Variants in CFTR observed in about 807,000 individuals in gnomAD.
CFTR encodes the protein CF transmembrane conductance regulator, also known as cystic fibrosis transmembrane conductance regulator.
In CFTR, 181 loss-of-function variants were observed where a neutral mutation model predicts 171.6. The ratio of observed to expected loss-of-function variants is 1.05; its 90% CI spans 0.93 to 1.19. CFTR has a LOEUF of 1.19. Ranked by LOEUF, CFTR falls within the 50% of genes most tolerant of loss-of-function variation. The probability of loss-of-function intolerance (pLI) is 0.00; values close to 1 mark genes in which losing one functional copy is unlikely to be tolerated. For missense variants in CFTR, 1,968 were observed against 1,734.7 expected, an observed-to-expected ratio of 1.13 and a Z score of -2.39; for synonymous variants, 583 against 608.0, an observed-to-expected ratio of 0.96 and a Z score of 0.60.
At chr7:117,586,859 GC>G (rs1181070016) in intron 11 of CFTR, among the ~76,000 whole-genome samples, 2 of 151,974 alleles carry the variant, frequency 1.3e-5, no homozygotes, top group Non-Finnish European at 2.9e-5. Flanking sequence ...CGGTTTGAAA[GC>G]CTCTAGGGTA....
chr7:117,538,569 C>T (rs1425893719), intron 7 of CFTR, among the ~76,000 whole-genome samples: 1 of 152,030 alleles, frequency 6.6e-6, no homozygotes, highest in African/African-American at 2.4e-5. Context: ...TTTATAAATA[C>T]CAGCCTAGTC....
chr7:117,602,814 G>A lies in CFTR; in HGVS notation c.2620-12G>A, dbSNP rs760088331. ...TTAGAAAAAAAATCAACTGTGTCTT[G>A]TTCCATTCCAGGTGGCTGCTTCTTT... is the stretch of plus-strand genomic sequence containing the variant. On this transcript the variant is annotated splice_polypyrimidine_tract_variant and intron_variant, in intron 15 of 26. Transcript: ENST00000003084. 3.7e-6 allele frequency: 6 copies of A among 1,613,450 alleles called. No homozygotes were observed. The highest frequency in any genetic ancestry group is 4.2e-6 in the Non-Finnish European group (5 of 1,179,376).
intron 1 of CFTR, among the ~76,000 whole-genome samples, chr7:117,490,915 C>T (rs1271019850): frequency 6.6e-6 from 1 of 152,060 alleles, no homozygotes; most frequent in Non-Finnish European, 1.5e-5. Context: ...GCACATCTGT[C>T]GGCTTTCTTT....
At chr7:117,545,378 G>A (rs1376650749) in intron 9 of CFTR, among the ~76,000 whole-genome samples, 4 of 152,112 alleles carry the variant, frequency 2.6e-5, no homozygotes, top group African/African-American at 4.8e-5. Flanking sequence ...GGCTTTTTAT[G>A]TTCTCCGTGG....
rs1798580467 is a variant in CFTR at position 117,515,289 on chromosome 7, AC to A, written c.273+6148del. 2.0e-5 allele frequency among the ~76,000 whole-genome samples: 3 copies of A among 152,252 alleles called. No homozygotes were observed. The South Asian group carries it at 6.2e-4, about 32-fold the overall frequency. ...TAGGGTTTTTATAGTTTTGGGTTTT[AC>A]ATTTAAGTCTTTAATACATCTTGAG... is the stretch of plus-strand genomic sequence containing the variant. On this transcript the variant is annotated intron_variant, in intron 3 of 26. Transcript: ENST00000003084.
intron 23 of CFTR, among the ~76,000 whole-genome samples, chr7:117,647,944 T>C (rs961126190): frequency 3.3e-5 from 5 of 150,920 alleles, no homozygotes; most frequent in Non-Finnish European, 5.9e-5. Context: ...AAAAGGGACG[T>C]CCAAACCACT....
chr7:117,517,500 G>A (rs777378029), intron 3 of CFTR, among the ~76,000 whole-genome samples: 24 of 152,108 alleles, frequency 1.6e-4, no homozygotes, highest in Admixed American at 1.0e-3. Flanking sequence ...TATTGTGAAC[G>A]CTGCAGCAAT....
At chr7:117,630,626 C>T (rs1043894550) in intron 22 of CFTR, among the ~76,000 whole-genome samples, 1 of 152,146 alleles carries the variant, frequency 6.6e-6, no homozygotes, top group Non-Finnish European at 1.5e-5. Context: ...CTGAAGAGAT[C>T]GGGCTTCTCC....
At chr7:117,589,697 A>G (rs1039199044) in intron 12 of CFTR, among the ~76,000 whole-genome samples, 22 of 152,160 alleles carry the variant, frequency 1.4e-4, no homozygotes, top group African/African-American at 4.8e-4. Context: ...TTTTATGAAT[A>G]TGATATAGAG....
chr7:117,511,253 T>G (rs947319860), intron 3 of CFTR, among the ~76,000 whole-genome samples: 2 of 152,204 alleles, frequency 1.3e-5, no homozygotes, highest in East Asian at 1.9e-4. Context: ...TCTCACTTAC[T>G]TATACCTGGG....
chr7:117,551,263 T>A (rs1799265649), intron 10 of CFTR, among the ~76,000 whole-genome samples: 1 of 152,218 alleles, frequency 6.6e-6, no homozygotes, highest in East Asian at 1.9e-4. Context: ...TGTTAAAGAA[T>A]GACTGTGACG....
At chr7:117,599,076 T>A (rs560922536) in intron 15 of CFTR, among the ~76,000 whole-genome samples, 2 of 152,298 alleles carry the variant, frequency 1.3e-5, no homozygotes, top group African/African-American at 4.8e-5. Context: ...GATTGGGTAA[T>A]TTATTATTTT....
chr7:117,541,533 AG>A (rs1365851783), intron 8 of CFTR, among the ~76,000 whole-genome samples: 1 of 152,170 alleles, frequency 6.6e-6, no homozygotes, highest in African/African-American at 2.4e-5. Context: ...CCCTTCTTTT[AG>A]AATCACAGTT....
Position 117,555,527 on chromosome 7 carries a change from G to C in CFTR, c.1393-3937G>C, listed in dbSNP as rs1420441387. The stretch of plus-strand genomic sequence containing the variant: ...ATATTGCAGTAAAAAGTGATCTCTA[G>C]TGGTTCTCGCATATTTTTCATCATG... On this transcript the variant is annotated intron_variant, in intron 10 of 26. Transcript: ENST00000003084. Among the ~76,000 whole-genome samples the C allele has an allele frequency of 3.9e-5, 6 of 152,132 alleles. 1 individual carries two copies. Among genetic ancestry groups the C allele is most frequent in the Non-Finnish European group, 1.5e-5 (1 of 68,032 alleles).
intron 11 of CFTR, among the ~76,000 whole-genome samples, chr7:117,563,778 GC>G (rs1255757904): frequency 6.6e-6 from 1 of 152,036 alleles, no homozygotes; most frequent in African/African-American, 2.4e-5. Context: ...CTTCTTCTTT[GC>G]CTAAGTGTCA....
At chr7:117,651,443 C>T (rs1290896995) in intron 23 of CFTR, among the ~76,000 whole-genome samples, 1 of 152,152 alleles carries the variant, frequency 6.6e-6, no homozygotes, top group East Asian at 1.9e-4. Context: ...TTTCAGAATT[C>T]TCCAATAATG....
chr7:117,514,176 T>A (rs1442180171), intron 3 of CFTR, among the ~76,000 whole-genome samples: 1 of 152,056 alleles, frequency 6.6e-6, no homozygotes, highest in Non-Finnish European at 1.5e-5. Context: ...GTTTAATTTT[T>A]TTTTTATTTT....
At chr7:117,579,524 T>C (rs1014696625) in intron 11 of CFTR, among the ~76,000 whole-genome samples, 1 of 151,830 alleles carries the variant, frequency 6.6e-6, no homozygotes. Flanking sequence ...GCCTGACATA[T>C]AGTAAGCACA....
rs61738523 is a variant in CFTR, at chr7:117,603,539, C to T, written c.2665C>T (p.Leu889Phe). 41 of 1,613,806 alleles carry T rather than the reference C, an allele frequency of 2.5e-5. No homozygotes were observed. The African/African-American group carries it at 4.7e-4, about 18-fold the overall frequency. ...TTCCTATTTGCTTTACAGCACTCCT[C>T]TTCAAGACAAAGGGAATAGTACTCA... Reference protein sequence around the residue: ...VVLWLLGNTPLQDKGNSTHSR... With the variant: ...VVLWLLGNTPFQDKGNSTHSR... Residue 889 changes from leucine (L) to phenylalanine (F), a missense_variant, in exon 17 of 27, where the codon CTT becomes TTT. Physicochemically the swap from Leu to Phe is conservative, Grantham distance 22 (BLOSUM62 0). Transcript: ENST00000003084.
Sources: allele counts gnomAD v4.1 joint callset (sites outside exome capture counted in the v4.1 genomes callset), GRCh38; gene constraint gnomAD v4.1.1; transcripts MANE v1.5; gene names NCBI Gene and HGNC (gene_info 2026-07-23, HGNC 2026-07-21).